FMN1: variants seen among roughly 807,000 people sequenced by gnomAD.
The protein encoded by FMN1 is formin 1.
Under a neutral mutation model 132.4 loss-of-function variants are expected in FMN1, and 110 were observed. The observed-to-expected ratio is 0.83, with a 90% confidence interval of 0.71 to 0.97. The LOEUF is 0.97. Ranked by LOEUF, FMN1 falls within the 50% of genes least tolerant of loss-of-function variation. The probability of loss-of-function intolerance (pLI) is 0.00; values close to 1 mark genes in which losing one functional copy is unlikely to be tolerated. For missense variants in FMN1, 1,792 were observed against 1,705.3 expected (o/e 1.05, Z -0.90); for synonymous variants, 722 against 651.7 (o/e 1.11, Z -1.64).
chr15:33,025,334 T>G (rs1167069646), intron 6 of FMN1, among the ~76,000 whole-genome samples: 2 of 152,162 alleles, frequency 1.3e-5, no homozygotes, highest in Non-Finnish European at 2.9e-5. Flanking sequence ...ACAATCTTGA[T>G]TATATATACC....
At chr15:33,014,233 CT>C (rs1423794251) in intron 6 of FMN1, among the ~76,000 whole-genome samples, 1 of 152,248 alleles carries the variant, frequency 6.6e-6, no homozygotes, top group Non-Finnish European at 1.5e-5. Context: ...TGAGTCAAAA[CT>C]AAGTTAGTGC....
chr15:32,792,211 G>T (rs368812644), intron 19 of FMN1, among the ~76,000 whole-genome samples: 2 of 150,834 alleles, frequency 1.3e-5, no homozygotes, highest in Admixed American at 6.6e-5. Context: ...AGGCCGAGGC[G>T]GGCAGATCAC....
At chr15:33,185,461 G>A (rs1054718861) in intron 2 of FMN1, among the ~76,000 whole-genome samples, 3 of 150,604 alleles carry the variant, frequency 2.0e-5, no homozygotes, top group South Asian at 2.1e-4. Context: ...TTTAATTACC[G>A]TTAATTCCAA....
chr15:32,835,843 CTTT>C (rs2058610741), intron 17 of FMN1, among the ~76,000 whole-genome samples: 1 of 152,026 alleles, frequency 6.6e-6, no homozygotes, highest in Non-Finnish European at 1.5e-5. Flanking sequence ...CACTGTTCTT[CTTT>C]TTCTGTTTTT....
At chr15:32,953,447 T>C (rs1282689683) in intron 9 of FMN1, among the ~76,000 whole-genome samples, 1 of 152,146 alleles carries the variant, frequency 6.6e-6, no homozygotes, top group East Asian at 1.9e-4. Flanking sequence ...TGGTCTCAGG[T>C]TTCCTTTGCT....
intron 7 of FMN1, among the ~76,000 whole-genome samples, chr15:33,006,710 A>G (rs778584254): frequency 3.3e-5 from 5 of 152,224 alleles, no homozygotes; most frequent in African/African-American, 4.8e-5. Context: ...CTAGTCTTTA[A>G]AAAGAAAAAA....
chr15:33,172,278 A>G (rs551003094), intron 3 of FMN1, among the ~76,000 whole-genome samples: 19 of 152,280 alleles, frequency 1.2e-4, no homozygotes, highest in African/African-American at 4.6e-4. Context: ...GGTATTAATG[A>G]AAATTTGATG....
chr15:32,891,942 T>C (rs1013829205), intron 15 of FMN1, among the ~76,000 whole-genome samples: 16 of 152,176 alleles, frequency 1.1e-4, no homozygotes, highest in African/African-American at 3.1e-4. Flanking sequence ...TTATCAGTTA[T>C]AGGCGCTTTC....
At chr15:33,168,468 G>C (rs1439702978) in intron 3 of FMN1, among the ~76,000 whole-genome samples, 2 of 152,154 alleles carry the variant, frequency 1.3e-5, no homozygotes, top group African/African-American at 2.4e-5. Flanking sequence ...TGTCCTGAAA[G>C]TATGTTAGTG....
At chr15:33,074,582 T>C (rs1184436495) in intron 5 of FMN1, among the ~76,000 whole-genome samples, 2 of 152,102 alleles carry the variant, frequency 1.3e-5, no homozygotes, top group Non-Finnish European at 2.9e-5. Context: ...TAGAAATGGA[T>C]TGAATATAGA....
chr15:32,975,691 A>T (rs950353158), intron 7 of FMN1, among the ~76,000 whole-genome samples: 2 of 152,134 alleles, frequency 1.3e-5, no homozygotes, highest in African/African-American at 4.8e-5. Flanking sequence ...AGTTTTAATA[A>T]TTCAAAATAC....
chr15:32,788,577 C>G (rs796996214), intron 19 of FMN1, among the ~76,000 whole-genome samples: 26 of 152,308 alleles, frequency 1.7e-4, no homozygotes, highest in African/African-American at 6.3e-4. Flanking sequence ...TCTGGCGCCC[C>G]TCAAATCATT....
intron 4 of FMN1, among the ~76,000 whole-genome samples, chr15:33,128,755 G>A (rs569846629): frequency 3.3e-5 from 5 of 152,312 alleles, no homozygotes; most frequent in East Asian, 1.9e-4. Context: ...GAATTTTAAA[G>A]CCCTTAAAAG....
At chr15:32,937,360 G>C (rs945051131) in intron 9 of FMN1, among the ~76,000 whole-genome samples, 1 of 152,162 alleles carries the variant, frequency 6.6e-6, no homozygotes, top group Non-Finnish European at 1.5e-5. Context: ...GCCAGAAAGG[G>C]AGTCAGATGA....
intron 18 of FMN1, among the ~76,000 whole-genome samples, chr15:32,803,756 CCT>C (rs2057563113): frequency 6.6e-6 from 1 of 152,054 alleles, no homozygotes; most frequent in Admixed American, 6.5e-5. Flanking sequence ...TCAAACTGTC[CCT>C]GACTTCCATC....
chr15:32,941,904 C>T (rs1322441566), intron 9 of FMN1, among the ~76,000 whole-genome samples: 3 of 152,084 alleles, frequency 2.0e-5, no homozygotes, highest in South Asian at 4.2e-4. Flanking sequence ...ACTTTATCTC[C>T]GCCCTATCTA....
chr15:32,909,154 T>C (rs1301500101), intron 11 of FMN1, among the ~76,000 whole-genome samples: 1 of 152,240 alleles, frequency 6.6e-6, no homozygotes, highest in African/African-American at 2.4e-5. Context: ...GCGGCAACCA[T>C]GTGCTTAGTC....
At chr15:32,972,731 A>G (rs1322036852) in intron 7 of FMN1, among the ~76,000 whole-genome samples, 6 of 152,094 alleles carry the variant, frequency 3.9e-5, no homozygotes, top group Non-Finnish European at 7.3e-5. Context: ...AGATGATCTC[A>G]TATACTCATA....
rs1445310343 is a variant in FMN1, at chr15:33,112,279, TG to T, written c.1868-23306del. Among the ~76,000 whole-genome samples, 3 of 113,298 alleles carry T rather than the reference TG, an allele frequency of 2.6e-5. No homozygotes were observed. The East Asian group carries it at 8.2e-4, about 31-fold the overall frequency. 74.3% of individuals were successfully genotyped at this position (113,298 alleles called of 152,430 possible). A position where few individuals can be genotyped will look rare whatever the true frequency, so the allele number is the denominator to read the frequency against. On this transcript the variant is annotated intron_variant, in intron 4 of 20. Transcript: ENST00000616417. ...ATTAGAAGTTTGAAATAATGTTAGG[TG>T]GCAGTGCATAAAACAAAATATTTTT...
Sources: allele counts gnomAD v4.1 joint callset (sites outside exome capture counted in the v4.1 genomes callset), GRCh38; gene constraint gnomAD v4.1.1; transcripts MANE v1.5; gene names NCBI Gene and HGNC (gene_info 2026-07-23, HGNC 2026-07-21).